Variants in ABRAXAS1 observed in about 807,000 individuals in gnomAD.
ABRAXAS1 encodes the protein BRCA1-A complex subunit Abraxas 1.
Under a neutral mutation model 38.4 loss-of-function variants are expected in ABRAXAS1, and 26 were observed. The observed-to-expected ratio is 0.68, with a 90% CI of 0.50 to 0.94. The LOEUF is 0.94. Among genes scored for constraint, ABRAXAS1 ranks in the 40% least tolerant of loss-of-function variants. The pLI is 0.00. For missense variants in ABRAXAS1, 438 were observed against 481.9 expected, an observed-to-expected ratio of 0.91 and a Z score of 0.85; for synonymous variants, 144 against 165.5, an observed-to-expected ratio of 0.87 and a Z score of 1.00.
At chr4:83,479,897 G>C (rs1364067950) in intron 2 of ABRAXAS1, 1 of 153,576 alleles carries the variant, frequency 6.5e-6, no homozygotes. Flanking sequence ...GGAGGTCAAG[G>C]CTGCAGTGAC....
At position 83,460,913 on chromosome 4, in the gene ABRAXAS1, A is replaced by G; in HGVS notation, c.*1556T>C. ...ACAGGGAGACTCCATCTCAAAAAAAAAAATTGCAAACTTTAAATATTGACA... is the reference window on the plus strand; with the variant it reads ...ACAGGGAGACTCCATCTCAAAAAAAGAAATTGCAAACTTTAAATATTGACA... On this transcript the variant is annotated 3_prime_UTR_variant, in exon 9 of 9. Coordinates refer to ENST00000321945, the MANE Select transcript of ABRAXAS1 (RefSeq NM_139076.3). 1 of 1,517,886 alleles carries G rather than the reference A, an allele frequency of 6.6e-7. No individual in the cohort carries two copies. Among genetic ancestry groups the G allele is most frequent in the Non-Finnish European group, 9.0e-7 (1 of 1,113,508 alleles). The allele number at this position is 1,517,886 out of a possible 1,614,324, so 94.0% of individuals were successfully genotyped here.
intron 7 of ABRAXAS1, among the ~76,000 whole-genome samples, chr4:83,466,315 T>C (rs1443560257): frequency 6.6e-6 from 1 of 152,120 alleles, no homozygotes; most frequent in Non-Finnish European, 1.5e-5. Flanking sequence ...TATAATCCCA[T>C]CTTGACATCT....
At chr4:83,464,492 G>C (rs191335213) in intron 7 of ABRAXAS1, among the ~76,000 whole-genome samples, 7 of 152,216 alleles carry the variant, frequency 4.6e-5, no homozygotes, top group Admixed American at 2.6e-4. Context: ...AAAACAACTG[G>C]GGGAGGGGAG....
Position 83,461,005 on chromosome 4 carries a change from A to C in ABRAXAS1, c.*1464T>G. The stretch of plus-strand genomic sequence containing the variant: ...TGGGAAGAAACAGAAAGAAATCACA[A>C]AAGCAATTAAGAGAGCTCAAATAAT... On this transcript the variant is annotated 3_prime_UTR_variant, in exon 9 of 9. Transcript: ENST00000321945. 1 of 1,609,824 alleles carries C rather than the reference A, an allele frequency of 6.2e-7. No individual in the cohort carries two copies. Among genetic ancestry groups the C allele is most frequent in the African/African-American group, 1.3e-5 (1 of 74,552 alleles).
Position 83,459,526 on chromosome 4 carries a change from A to G in ABRAXAS1, c.*2943T>C, listed in dbSNP as rs1721997229. 2 of 457,362 alleles carry G rather than the reference A, an allele frequency of 4.4e-6. No homozygotes were observed. The highest frequency in any genetic ancestry group is 7.2e-5 in the South Asian group (2 of 27,788). 28.3% of individuals were successfully genotyped at this position (457,362 alleles called of 1,614,324 possible). A position where few individuals can be genotyped will look rare whatever the true frequency, so the allele number is the denominator to read the frequency against. The stretch of plus-strand genomic sequence containing the variant: ...TACCATTGAATGAATATGCTGATTA[A>G]TCTGCTGTTTAATTATATATAGACT... On this transcript the variant is annotated 3_prime_UTR_variant, in exon 9 of 9. Transcript: ENST00000321945.
chr4:83,484,837 GA>G, intron 1 of ABRAXAS1, 148 bp downstream of exon 1: 1 of 565,378 alleles, frequency 1.8e-6, no homozygotes. Flanking sequence ...AGGGACCGCT[GA>G]GGGGGAGAGA....
At chr4:83,470,507 A>G in intron 4 of ABRAXAS1, 111 bp from the exon 5 acceptor site, 1 of 737,496 alleles carries the variant, frequency 1.4e-6, no homozygotes, top group East Asian at 2.9e-5. Flanking sequence ...ATATTTAGAA[A>G]GATTTGGGGC....
rs1430639595 is a variant in ABRAXAS1 at position 83,461,179 on chromosome 4, C to A, written c.*1290G>T. On this transcript the variant is annotated 3_prime_UTR_variant, in exon 9 of 9. Transcript: ENST00000321945. The stretch of plus-strand genomic sequence containing the variant: ...ATCTCAAGGACCCTAAAGTTTGTAA[C>A]ATCAGATATCGGGAATAAATTCTAT... The A allele has an allele frequency of 1.2e-6, 2 of 1,612,166 alleles. No individual in the cohort carries two copies.
At chr4:83,471,800 G>A (rs1479982326) in intron 4 of ABRAXAS1, among the ~76,000 whole-genome samples, 1 of 151,954 alleles carries the variant, frequency 6.6e-6, no homozygotes, top group Non-Finnish European at 1.5e-5. Flanking sequence ...AACCCAGGAG[G>A]TGCACGATGT....
At chr4:83,467,969 A>T (rs750791562) in intron 6 of ABRAXAS1, among the ~76,000 whole-genome samples, 1 of 152,162 alleles carries the variant, frequency 6.6e-6, no homozygotes, top group Non-Finnish European at 1.5e-5. Flanking sequence ...CTAAGAAGGC[A>T]TGACTTGTAG....
rs200727513 is a variant in ABRAXAS1, at chr4:83,463,512, C to T, written c.778G>A (p.Ala260Thr). 1.2e-6 allele frequency: 2 copies of T among 1,604,602 alleles called. No homozygotes were observed. Among genetic ancestry groups the T allele is most frequent in the Non-Finnish European group, 1.7e-6 (2 of 1,175,374 alleles). Reference protein sequence around the residue: ...LKREIEKRRGAQIQAAREKNI... With the variant: ...LKREIEKRRGTQIQAAREKNI... ...TACTTACTTGCTGCCTGAATCTGTG[C>T]TCCTCTCCTTTTCTCAATTTCTCGT... Residue 260 changes from alanine to threonine, a missense_variant, in exon 8 of 9, where the codon GCA becomes ACA. Around this residue, in one of 3 missense-constraint regions of ABRAXAS1, gnomAD observed 184 missense variants for 181.9 expected, o/e 1.01. Transcript: ENST00000321945.
intron 4 of ABRAXAS1, among the ~76,000 whole-genome samples, chr4:83,470,602 G>A (rs1474413406): frequency 6.6e-6 from 1 of 152,096 alleles, no homozygotes; most frequent in Non-Finnish European, 1.5e-5. Context: ...ATTTGAAAGG[G>A]TACGGTTTTC....
chr4:83,471,215 TTTTTTTTTGA>T lies in ABRAXAS1; in HGVS notation c.283-829_283-820del, dbSNP rs1264956360. Among the ~76,000 whole-genome samples, 90 of 86,078 alleles carry T rather than the reference TTTTTTTTTGA, an allele frequency of 1.0e-3. 2 individuals are homozygous for T. The highest frequency in any genetic ancestry group is 5.0e-3 in the African/African-American group (87 of 17,342). The allele number at this position is 86,078 out of a possible 152,430, so 56.5% of individuals were successfully genotyped here. A position where few individuals can be genotyped will look rare whatever the true frequency, so the allele number is the denominator to read the frequency against. On this transcript the variant is annotated intron_variant, in intron 4 of 8. Coordinates refer to ENST00000321945, the MANE Select transcript of ABRAXAS1 (RefSeq NM_139076.3). The stretch of plus-strand genomic sequence containing the variant: ...TCTTTTTTTTTTTTTTTTTTTTTTT[TTTTTTTTTGA>T]GACAGTCTGGCTCTGTTGCCCAGGC...
chr4:83,469,242 T>C (rs1578127701), intron 5 of ABRAXAS1, 91 bp from the exon 6 acceptor site: 4 of 1,148,924 alleles, frequency 3.5e-6, no homozygotes, highest in East Asian at 4.7e-5. Context: ...CCCTACAAGA[T>C]TTAAAAAAAT....
rs145796091 is a variant in ABRAXAS1 at position 83,485,052 on chromosome 4, C to T, written c.21G>A (p.Ser7=). 4,865 of 1,593,722 alleles carry T rather than the reference C, an allele frequency of 3.1e-3. 181 individuals carry two copies. The Admixed American group carries it at 0.067, about 22-fold the overall frequency. Reference sequence around the variant, plus strand: ...CGAGCACAAAGCCCGAGAGCACCGCCGACGTACTCTCCCCCTCCATGCTAC... The same window carrying T: ...CGAGCACAAAGCCCGAGAGCACCGCTGACGTACTCTCCCCCTCCATGCTAC... MEGEST[S]AVLSGFVLGA... is the part of the protein sequence containing the mutation. Residue 7 remains serine (S), a synonymous_variant, in exon 1 of 9, where the codon TCG becomes TCA. Coordinates refer to ENST00000321945, the MANE Select transcript of ABRAXAS1 (RefSeq NM_139076.3).
intron 4 of ABRAXAS1, among the ~76,000 whole-genome samples, chr4:83,471,021 T>G (rs1316420682): frequency 1.3e-5 from 2 of 152,102 alleles, no homozygotes; most frequent in Non-Finnish European, 2.9e-5. Flanking sequence ...TGCTTAGAGA[T>G]CTGTGAGTTT....
intron 6 of ABRAXAS1, among the ~76,000 whole-genome samples, chr4:83,468,362 G>C (rs1485687075): frequency 6.6e-6 from 1 of 150,414 alleles, no homozygotes; most frequent in Admixed American, 6.6e-5. Flanking sequence ...ATGAAATACG[G>C]TATTCAGTTT....
chr4:83,464,973 A>G (rs536667251), intron 7 of ABRAXAS1, among the ~76,000 whole-genome samples: 75 of 152,296 alleles, frequency 4.9e-4, no homozygotes, highest in African/African-American at 1.7e-3. Flanking sequence ...GTATTTTTCC[A>G]TAACATTCTC....
chr4:83,462,888 GGAT>G lies in ABRAXAS1; in HGVS notation c.808_810del (p.Ile270del). The G allele has an allele frequency of 6.3e-7, 1 of 1,577,046 alleles. No individual in the cohort carries two copies. Among genetic ancestry groups the G allele is most frequent in the Non-Finnish European group, 8.6e-7 (1 of 1,164,954 alleles). On this transcript the variant is annotated inframe_deletion, in exon 9 of 9. Transcript: ENST00000321945. Reference sequence around the variant, plus strand: ...AAAATGTTCTCCTGAGGGTCTTTTTGGATGTTCTTCTCTCCTAAACAAAATAGA... The same window carrying G: ...AAAATGTTCTCCTGAGGGTCTTTTTGGTTCTTCTCTCCTAAACAAAATAGA...
Sources: gnomAD v4.1 joint callset for allele counts (sites outside exome capture counted in the v4.1 genomes callset) on GRCh38, gnomAD v4.1.1 for gene constraint, gnomAD v4.1.1 regional missense constraint, MANE v1.5 for transcripts, NCBI Gene and HGNC (gene_info 2026-07-23, HGNC 2026-07-21) for gene names.